KCNN2: variants seen among roughly 807,000 people sequenced by gnomAD.
The protein encoded by KCNN2 is potassium calcium-activated channel subfamily N member 2, also known as small conductance calcium-activated potassium channel protein 2.
KCNN2 carries 24 observed loss-of-function variants against 55.5 expected under a neutral mutation model. That is an observed-to-expected ratio of 0.43 (90% CI 0.31 to 0.61). The LOEUF (loss-of-function observed/expected upper bound fraction) is 0.61. Among genes scored for constraint, KCNN2 ranks in the 20% least tolerant of loss-of-function variants. The pLI is 0.08. For missense variants in KCNN2, 754 were observed against 853.6 expected (o/e 0.88, Z 1.45); for synonymous variants, 431 against 336.1 (o/e 1.28, Z -3.09).
intron 1 of KCNN2, among the ~76,000 whole-genome samples, chr5:114,187,141 A>C (rs1753350187): frequency 6.6e-6 from 1 of 152,180 alleles, no homozygotes; most frequent in African/African-American, 2.4e-5. Context: ...TTTTATCCTA[A>C]ATGACTGGTT....
At chr5:114,418,424 G>A (rs182616383) in intron 3 of KCNN2, among the ~76,000 whole-genome samples, 25 of 152,296 alleles carry the variant, frequency 1.6e-4, no homozygotes, top group Admixed American at 1.1e-3. Context: ...CCTTCTGTGT[G>A]TTCAGCCTGG....
intron 2 of KCNN2, among the ~76,000 whole-genome samples, chr5:114,329,079 G>A (rs1053832486): frequency 6.6e-6 from 1 of 152,026 alleles, no homozygotes. Context: ...TATATTCCTA[G>A]ATACATGTTC....
At chr5:114,255,825 C>G (rs1426589304) in intron 2 of KCNN2, among the ~76,000 whole-genome samples, 1 of 152,118 alleles carries the variant, frequency 6.6e-6, no homozygotes, top group African/African-American at 2.4e-5. Flanking sequence ...GCCACTTCCT[C>G]TGTGATTCAA....
intron 1 of KCNN2, among the ~76,000 whole-genome samples, chr5:114,079,884 G>A (rs1331183395): frequency 6.6e-6 from 1 of 151,516 alleles, no homozygotes; most frequent in Non-Finnish European, 1.5e-5. Flanking sequence ...AGACAGAGAA[G>A]GTGGGGATGG....
At chr5:114,261,123 T>C (rs116572249) in intron 2 of KCNN2, among the ~76,000 whole-genome samples, 4,615 of 152,290 alleles carry the variant, frequency 0.03, 242 homozygotes, top group African/African-American at 0.1. Flanking sequence ...TTTGTTAACA[T>C]TTGAAGTGCC....
chr5:114,151,052 CAAAT>C (rs567594822), intron 1 of KCNN2, among the ~76,000 whole-genome samples: 50 of 151,808 alleles, frequency 3.3e-4, no homozygotes, highest in South Asian at 2.5e-3. Flanking sequence ...AACAAAAAAA[CAAAT>C]AAAGCAAGAT....
chr5:114,088,859 G>T (rs1229723961), intron 1 of KCNN2, among the ~76,000 whole-genome samples: 1 of 152,126 alleles, frequency 6.6e-6, no homozygotes, highest in Non-Finnish European at 1.5e-5. Context: ...GACCTCAAGT[G>T]ATCCACCCAC....
Position 114,275,141 on chromosome 5 carries a change from A to G in KCNN2, c.-185+53576A>G, listed in dbSNP as rs140569143. Among the ~76,000 whole-genome samples, 504 of 152,162 alleles carry G rather than the reference A, an allele frequency of 3.3e-3. 7 individuals carry two copies. Among genetic ancestry groups the G allele is most frequent in the African/African-American group, 0.012 (485 of 41,530 alleles). On this transcript the variant is annotated intron_variant, in intron 2 of 10. Transcript: ENST00000512097. ...GTTTATGTGATGGATTACATTTATT[A>G]ATTTGCATATGTTGAACCAGCCTTG... is the stretch of plus-strand genomic sequence containing the variant.
chr5:114,177,141 GT>G (rs33951023), intron 1 of KCNN2, among the ~76,000 whole-genome samples: 9 of 143,584 alleles, frequency 6.3e-5, no homozygotes, highest in East Asian at 2.1e-4. Context: ...TAATATGCTG[GT>G]TTTTTTTTTT....
At chr5:114,435,182 G>A (rs935314274) in intron 3 of KCNN2, among the ~76,000 whole-genome samples, 1 of 136,466 alleles carries the variant, frequency 7.3e-6, no homozygotes, top group Non-Finnish European at 1.6e-5. Flanking sequence ...TCTCTCTCAA[G>A]CTAGTGAGTG....
At position 114,450,323 on chromosome 5, in the gene KCNN2, T is replaced by G. The variant is rs146001671; in HGVS notation, c.1638-12726T>G. ...GGGCCTGGTCGAGCATGGCTCCATC[T>G]GTCTGCTGGGGTTCCAGTTTCCTCT... On this transcript the variant is annotated intron_variant, in intron 3 of 7. Transcript: ENST00000673685. Among the ~76,000 whole-genome samples the G allele has an allele frequency of 3.5e-3, 532 of 152,322 alleles. 3 individuals carry two copies. The highest frequency in any genetic ancestry group is 0.012 in the African/African-American group (505 of 41,580).
intron 2 of KCNN2, among the ~76,000 whole-genome samples, chr5:114,326,404 A>G (rs1756715128): frequency 6.6e-6 from 1 of 152,166 alleles, no homozygotes; most frequent in Non-Finnish European, 1.5e-5. Flanking sequence ...AGGTGTGAGT[A>G]GTAAGTGATG....
intron 5 of KCNN2, among the ~76,000 whole-genome samples, chr5:114,481,751 C>A (rs1762239994): frequency 6.6e-6 from 1 of 152,122 alleles, no homozygotes; most frequent in Admixed American, 6.5e-5. Context: ...CCATCATGAT[C>A]TTCAACAAAC....
At chr5:114,172,816 A>T (rs1402596830) in intron 1 of KCNN2, among the ~76,000 whole-genome samples, 1 of 151,486 alleles carries the variant, frequency 6.6e-6, no homozygotes. Flanking sequence ...TGAGTTCTTT[A>T]TATATTCTGG....
chr5:114,171,707 C>T (rs1457617281), intron 1 of KCNN2, among the ~76,000 whole-genome samples: 2 of 148,928 alleles, frequency 1.3e-5, no homozygotes, highest in African/African-American at 4.9e-5. Context: ...TGTGTTCTCT[C>T]CACCTTCATA....
At chr5:114,481,343 CAGAA>C (rs1454300605) in intron 5 of KCNN2, among the ~76,000 whole-genome samples, 1 of 151,964 alleles carries the variant, frequency 6.6e-6, no homozygotes, top group Non-Finnish European at 1.5e-5. Context: ...TCAAAGAAAT[CAGAA>C]AGGACACAAA....
At chr5:114,133,646 C>T (rs1752113517) in intron 1 of KCNN2, among the ~76,000 whole-genome samples, 1 of 152,138 alleles carries the variant, frequency 6.6e-6, no homozygotes, top group East Asian at 1.9e-4. Context: ...TCTTGGCTGT[C>T]ACTTTGTGAT....
At chr5:114,469,049 A>C (rs926775756) in intron 4 of KCNN2, among the ~76,000 whole-genome samples, 1 of 152,184 alleles carries the variant, frequency 6.6e-6, no homozygotes, top group African/African-American at 2.4e-5. Flanking sequence ...AATGGAGAAG[A>C]ATACAGTGGA....
At chr5:114,140,146 A>G (rs1752247600) in intron 1 of KCNN2, among the ~76,000 whole-genome samples, 1 of 152,214 alleles carries the variant, frequency 6.6e-6, no homozygotes, top group African/African-American at 2.4e-5. Context: ...TTAATTTTCT[A>G]CATGGTAAAT....
Sources: gnomAD v4.1 joint callset for allele counts (sites outside exome capture counted in the v4.1 genomes callset) on GRCh38, gnomAD v4.1.1 for gene constraint, MANE v1.5 for transcripts, NCBI Gene and HGNC (gene_info 2026-07-23, HGNC 2026-07-21) for gene names.